ZNF343: variants seen among roughly 807,000 people sequenced by gnomAD.
ZNF343 encodes zinc finger protein 343.
In ZNF343, 11 loss-of-function variants were observed where a neutral mutation model predicts 13.8. That is an observed-to-expected ratio of 0.80 (90% confidence interval 0.50 to 1.32). The LOEUF is 1.32. Ranked by LOEUF, ZNF343 falls within the 40% of genes most tolerant of loss-of-function variation. The pLI, the probability that ZNF343 is intolerant of heterozygous loss-of-function variation, is 0.00. For synonymous variants in ZNF343, 248 were observed against 260.0 expected, an observed-to-expected ratio of 0.95 and a Z score of 0.44; for missense variants, 658 against 714.2, an observed-to-expected ratio of 0.92 and a Z score of 0.90.
At position 2,482,833 on chromosome 20, in the gene ZNF343, C is replaced by T; in HGVS notation, c.*328G>A. ...AACACTCCCCAGACAAGGGTGCTTT[C>T]CCCTGAGGCTGTCATTGGATGTCTG... On this transcript the variant is annotated 3_prime_UTR_variant, in exon 6 of 6. Coordinates refer to ENST00000278772, the MANE Select transcript of ZNF343 (RefSeq NM_024325.6). 3.4e-6 allele frequency: 1 copy of T among 295,628 alleles called. No homozygotes were observed. The allele number at this position is 295,628 out of a possible 1,614,324, so 18.3% of individuals were successfully genotyped here.
intron 1 of ZNF343, among the ~76,000 whole-genome samples, chr20:2,503,985 C>T (rs1391072974): frequency 4.6e-5 from 7 of 152,184 alleles, no homozygotes; most frequent in Admixed American, 4.6e-4. Context: ...GAAATAGAGA[C>T]ACAAAAAAAC....
At chr20:2,522,936 T>C (rs2122767203) in intron 1 of ZNF343, among the ~76,000 whole-genome samples, 1 of 152,318 alleles carries the variant, frequency 6.6e-6, no homozygotes, top group Non-Finnish European at 1.5e-5. Context: ...GAATAGGGGC[T>C]GGGTAAAATA....
At chr20:2,516,156 G>A (rs998814916) in intron 1 of ZNF343, among the ~76,000 whole-genome samples, 1 of 152,072 alleles carries the variant, frequency 6.6e-6, no homozygotes, top group African/African-American at 2.4e-5. Context: ...TTTGGTTCAG[G>A]TCGGAATCAA....
chr20:2,507,101 C>T (rs2085672267), intron 1 of ZNF343, among the ~76,000 whole-genome samples: 1 of 151,834 alleles, frequency 6.6e-6, no homozygotes, highest in African/African-American at 2.4e-5. Flanking sequence ...CCCGTGTCTA[C>T]TAAAAATACA....
chr20:2,510,465 C>G (rs1355400470), upstream of ZNF343, among the ~76,000 whole-genome samples: 1 of 152,220 alleles, frequency 6.6e-6, no homozygotes, highest in Non-Finnish European at 1.5e-5. Flanking sequence ...CCAACACCTC[C>G]TTCCATCTTC....
At chr20:2,493,490 GAAAA>G (rs371945940) in intron 4 of ZNF343, 25 bp downstream of exon 4, 1 of 1,268,330 alleles carries the variant, frequency 7.9e-7, no homozygotes, top group South Asian at 1.3e-5. Flanking sequence ...AGCACTTCAG[GAAAA>G]AAAAAAAATG....
intron 5 of ZNF343, among the ~76,000 whole-genome samples, chr20:2,491,025 A>C (rs1160405631): frequency 6.6e-6 from 1 of 152,220 alleles, no homozygotes; most frequent in Non-Finnish European, 1.5e-5. Context: ...ATCTGATTAA[A>C]TCATATCAGG....
At chr20:2,517,196 C>A (rs1049674627) in intron 1 of ZNF343, among the ~76,000 whole-genome samples, 6 of 152,112 alleles carry the variant, frequency 3.9e-5, no homozygotes, top group African/African-American at 1.4e-4. Flanking sequence ...TTATGTCAAA[C>A]GAGCTCAGAA....
chr20:2,523,125 C>G (rs924758923), intron 1 of ZNF343, among the ~76,000 whole-genome samples: 1 of 152,214 alleles, frequency 6.6e-6, no homozygotes, highest in Non-Finnish European at 1.5e-5. Context: ...CCTCACTGCT[C>G]ATGATACACT....
chr20:2,508,246 G>T lies in ZNF343; in HGVS notation c.-237+635C>A, dbSNP rs2085699243. On this transcript the variant is annotated intron_variant, in intron 1 of 5. Transcript: ENST00000278772. This position sits in a 1 kb window ranked among gnomAD's most constrained non-coding sequence, Gnocchi z 4.5. ...AAGACACTCGCCCAGGCCCTCTCAG[G>T]ATATTTTGACCACGTCAAGCTCACC... is the stretch of plus-strand genomic sequence containing the variant. Among the ~76,000 whole-genome samples, 1 of 151,914 alleles carries T rather than the reference G, an allele frequency of 6.6e-6. No individual in the cohort carries two copies. Among genetic ancestry groups the T allele is most frequent in the Non-Finnish European group, 1.5e-5 (1 of 67,982 alleles).
intron 5 of ZNF343, among the ~76,000 whole-genome samples, chr20:2,487,307 C>T (rs2085296738): frequency 6.6e-6 from 1 of 152,210 alleles, no homozygotes; most frequent in South Asian, 2.1e-4. Flanking sequence ...CATGCCTCTC[C>T]TTTCCATAGC....
chr20:2,521,222 C>A (rs1160529131), intron 1 of ZNF343, among the ~76,000 whole-genome samples: 1 of 152,110 alleles, frequency 6.6e-6, no homozygotes, highest in Non-Finnish European at 1.5e-5. Flanking sequence ...GGACTTACCC[C>A]CTGGGCAGAT....
At chr20:2,497,126 G>A (rs1485380554) in intron 2 of ZNF343, among the ~76,000 whole-genome samples, 2 of 152,144 alleles carry the variant, frequency 1.3e-5, no homozygotes, top group African/African-American at 4.8e-5. Flanking sequence ...AGCTATAACT[G>A]GAGCAAATTT....
chr20:2,502,584 G>A (rs1182518389), intron 1 of ZNF343, among the ~76,000 whole-genome samples: 1 of 152,080 alleles, frequency 6.6e-6, no homozygotes, highest in Admixed American at 6.5e-5. Flanking sequence ...TACCCACAAA[G>A]GGAAGCCCAT....
chr20:2,498,871 G>A (rs1053281739), intron 2 of ZNF343, among the ~76,000 whole-genome samples: 1 of 152,156 alleles, frequency 6.6e-6, no homozygotes, highest in African/African-American at 2.4e-5. Context: ...TCTGTCTCCA[G>A]AGCCCACACC....
intron 1 of ZNF343, among the ~76,000 whole-genome samples, chr20:2,505,941 C>T (rs868739329): frequency 1.4e-4 from 22 of 152,100 alleles, no homozygotes; most frequent in East Asian, 1.9e-4. Context: ...AATTGACAAA[C>T]GGGATCTAAT....
chr20:2,493,729 G>A, intron 3 of ZNF343, 49 bp downstream of exon 3: 2 of 1,528,078 alleles, frequency 1.3e-6, no homozygotes, highest in South Asian at 2.2e-5. Flanking sequence ...AGGTGAACCT[G>A]GAGCCTTGGC....
intron 5 of ZNF343, among the ~76,000 whole-genome samples, chr20:2,485,448 C>T (rs1353353859): frequency 6.6e-6 from 1 of 152,152 alleles, no homozygotes; most frequent in Non-Finnish European, 1.5e-5. Flanking sequence ...CGTACTTGGC[C>T]CCAGACCCTA....
At chr20:2,499,079 C>T (rs2085510585) in intron 2 of ZNF343, among the ~76,000 whole-genome samples, 1 of 151,934 alleles carries the variant, frequency 6.6e-6, no homozygotes, top group South Asian at 2.1e-4. Flanking sequence ...ATCACTTCAG[C>T]CTCCCAAAGT....
Sources: allele counts gnomAD v4.1 joint callset (sites outside exome capture counted in the v4.1 genomes callset), GRCh38; gene constraint gnomAD v4.1.1; non-coding constraint Gnocchi (gnomAD v3.1); transcripts MANE v1.5; gene names NCBI Gene and HGNC (gene_info 2026-07-23, HGNC 2026-07-21).